Variants in MAB21L4 observed in about 807,000 individuals in gnomAD.
MAB21L4 encodes the protein mab-21 like 4.
In MAB21L4, 25 loss-of-function variants were observed where a neutral mutation model predicts 32.4. The ratio of observed to expected loss-of-function variants is 0.77; its 90% confidence interval spans 0.56 to 1.08. The LOEUF (loss-of-function observed/expected upper bound fraction) is 1.08, where lower values mean the gene tolerates loss of function less well. Among genes scored for constraint, MAB21L4 ranks in the 50% least tolerant of loss-of-function variants. The pLI, the probability that MAB21L4 is intolerant of heterozygous loss-of-function variation, is 0.00. For synonymous variants in MAB21L4, 280 were observed against 276.8 expected (o/e 1.01, Z -0.11); for missense variants, 638 against 611.0 (o/e 1.04, Z -0.47).
At position 240,888,306 on chromosome 2, in the gene MAB21L4, C is replaced by T. The variant is rs368069678; in HGVS notation, c.1237G>A (p.Val413Ile). The change falls in exon 4 of 5, where the codon GTC becomes ATC. Residue 413 changes from valine (V) to isoleucine (I), a missense_variant. By Grantham distance (29) the Val-to-Ile change is conservative. Transcript: ENST00000388934. ...PTYWATAYFD[V>I]LLDKFQVFNI... ...CCAGCACCCACCTTGTCCAGCAGGA[C>T]GTCGAAGTAGGCAGTGGCCCAGTAA... The T allele has an allele frequency of 4.6e-5, 72 of 1,568,288 alleles. No individual in the cohort carries two copies. The highest frequency in any genetic ancestry group is 2.1e-4 in the East Asian group (9 of 43,402).
intron 2 of MAB21L4, among the ~76,000 whole-genome samples, chr2:240,890,770 C>G (rs1442325765): frequency 6.6e-6 from 1 of 152,222 alleles, no homozygotes; most frequent in Non-Finnish European, 1.5e-5. Context: ...TTCCCATTTA[C>G]TTGCAAAAAT....
Position 240,888,363 on chromosome 2 carries a change from C to T in MAB21L4, c.1180G>A (p.Ala394Thr), listed in dbSNP as rs1451292417. The T allele has an allele frequency of 6.4e-7, 1 of 1,574,458 alleles. No homozygotes were observed. The highest frequency in any genetic ancestry group is 8.6e-7 in the Non-Finnish European group (1 of 1,163,084). The change falls in exon 4 of 5, where the codon GCG (alanine) becomes ACG (threonine). Residue 394 changes from alanine (A) to threonine (T), a missense_variant. Coordinates refer to ENST00000388934, the MANE Select transcript of MAB21L4 (RefSeq NM_001085437.3). ...PPPRIGSGLK[A>T]LLQLPASDPT... Reference sequence around the variant, plus strand: ...TCACTGGCTGGCAGCTGCAGGAGCGCCTTGAGCCCGGAGCCGATGCGCGGC... The same window carrying T: ...TCACTGGCTGGCAGCTGCAGGAGCGTCTTGAGCCCGGAGCCGATGCGCGGC...
chr2:240,896,218 C>A (rs79672753), upstream of MAB21L4: 10,984 of 1,210,656 alleles, frequency 9.1e-3, 65 homozygotes, highest in Non-Finnish European at 0.01. Context: ...CAGTCCCCAG[C>A]AATTGGGAAT....
At chr2:240,887,257 C>CAGGGAGGGCCAGTTGT in intron 4 of MAB21L4, 95 bp from the exon 5 acceptor site, 1 of 1,033,946 alleles carries the variant, frequency 9.7e-7, no homozygotes, top group Non-Finnish European at 1.5e-6. Context: ...ACAACTGGCC[C>CAGGGAGGGCCAGTTGT]TCCCTGGGCC....
chr2:240,891,516 G>C, intron 2 of MAB21L4, 22 bp downstream of exon 2: 1 of 1,570,842 alleles, frequency 6.4e-7, no homozygotes, highest in Non-Finnish European at 8.7e-7. Flanking sequence ...CAAGAACCTT[G>C]TGACCAGGAG....
chr2:240,894,976 C>T (rs1346339761), intron 1 of MAB21L4, among the ~76,000 whole-genome samples: 1 of 152,242 alleles, frequency 6.6e-6, no homozygotes, highest in Non-Finnish European at 1.5e-5. Context: ...CACGCGCACG[C>T]AGGCAGGCAC....
In MAB21L4 at chr2:240,895,520, T is replaced by C; in HGVS notation, c.478A>G (p.Ile160Val). Residue 160 changes from isoleucine to valine, a missense_variant, in exon 1 of 5, where the codon ATC becomes GTC. By Grantham distance (29) the Ile-to-Val change is conservative (BLOSUM62 3). Transcript: ENST00000388934. ...AGACTGTGGTGCTTGCAGTGTACGA[T>C]GGCTGCTACCAGCAGGTCCTTGAGG... ...CVLKDLLVAA[I>V]VHCKHHSLIA... The C allele has an allele frequency of 6.3e-7, 1 of 1,594,898 alleles. No homozygotes were observed. Among genetic ancestry groups the C allele is most frequent in the Non-Finnish European group, 8.6e-7 (1 of 1,169,138 alleles).
Position 240,888,615 on chromosome 2 carries a change from C to A in MAB21L4, c.928G>T (p.Ala310Ser). The part of the protein sequence containing the change: ...VLLWASVLFL[A>S]PEDWAELQGA... ...TGCAGTTCTGCCCAGTCCTCGGGCG[C>A]CAGGAAGAGCACAGAGGCCCACAGC... Residue 310 changes from alanine to serine, a missense_variant, in exon 4 of 5, where the codon GCG becomes TCG. Coordinates refer to ENST00000388934, the MANE Select transcript of MAB21L4 (RefSeq NM_001085437.3). The A allele has an allele frequency of 6.3e-7, 1 of 1,598,450 alleles. No homozygotes were observed. The highest frequency in any genetic ancestry group is 2.3e-5 in the East Asian group (1 of 44,412).
intron 3 of MAB21L4, among the ~76,000 whole-genome samples, chr2:240,889,744 C>T (rs1404272526): frequency 6.6e-6 from 1 of 152,216 alleles, no homozygotes; most frequent in Admixed American, 6.5e-5. Context: ...GTCCCAGGGC[C>T]AGGAGGGCCT....
intron 2 of MAB21L4, among the ~76,000 whole-genome samples, chr2:240,890,849 C>T (rs1023404408): frequency 1.4e-4 from 21 of 152,244 alleles, no homozygotes; most frequent in African/African-American, 4.8e-4. Context: ...CAAGCTTGGA[C>T]GCCGCCCCTG....
Position 240,890,155 on chromosome 2 carries a change from G to C in MAB21L4, c.744C>G (p.Thr248=). Residue 248 remains threonine (T), a synonymous_variant, in exon 3 of 5, where the codon ACC becomes ACG. Transcript: ENST00000388934. ...LVPASAQLWR[T]STDYLLTRLL... ...GCCTCGTGAGCAGGTAGTCAGTGGAGGTCCTGGGGCCCAGACAGACGCACT... is the reference window on the plus strand; with the variant it reads ...GCCTCGTGAGCAGGTAGTCAGTGGACGTCCTGGGGCCCAGACAGACGCACT... 1 of 1,602,556 alleles carries C rather than the reference G, an allele frequency of 6.2e-7. No homozygotes were observed.
intron 3 of MAB21L4, 127 bp downstream of exon 3, chr2:240,889,878 C>A: frequency 4.4e-6 from 5 of 1,135,884 alleles, no homozygotes; most frequent in Admixed American, 5.5e-5. Flanking sequence ...CCCTCAGAAT[C>A]CCCCCAACTC....
intron 3 of MAB21L4, 76 bp downstream of exon 3, chr2:240,889,929 G>A: frequency 1.3e-6 from 2 of 1,493,886 alleles, no homozygotes; most frequent in Non-Finnish European, 1.8e-6. Flanking sequence ...GTCAGGGCTG[G>A]CAGGAGGGAC....
Position 240,887,193 on chromosome 2 carries a change from A to T in MAB21L4, c.1252-31T>A, listed in dbSNP as rs752316980. ...GGCAGGGTTGCAGGGGAGAAGGGTTACAGGGACCCCTGGAGCCCATGATAA... is the reference window on the plus strand; with the variant it reads ...GGCAGGGTTGCAGGGGAGAAGGGTTTCAGGGACCCCTGGAGCCCATGATAA... On this transcript the variant is annotated intron_variant, in intron 4 of 4. Coordinates refer to ENST00000388934, the MANE Select transcript of MAB21L4 (RefSeq NM_001085437.3). 58 of 1,567,642 alleles carry T rather than the reference A, an allele frequency of 3.7e-5. 1 individual carries two copies. In the Admixed American group the frequency reaches 9.7e-4, roughly 26 times the overall value.
At position 240,889,833 on chromosome 2, in the gene MAB21L4, G is replaced by A. The variant is rs987658382; in HGVS notation, c.894+172C>T. Among the ~76,000 whole-genome samples, 16 of 152,332 alleles carry A rather than the reference G, an allele frequency of 1.1e-4. No individual in the cohort carries two copies. The East Asian group carries it at 2.3e-3, about 22-fold the overall frequency. ...GCGGCCACATTCCCTTGACCCTCAGGAGCCACGGCCTCACCTCCTCAGAAC... is the reference window on the plus strand; with the variant it reads ...GCGGCCACATTCCCTTGACCCTCAGAAGCCACGGCCTCACCTCCTCAGAAC... On this transcript the variant is annotated intron_variant, in intron 3 of 4. Coordinates refer to ENST00000388934, the MANE Select transcript of MAB21L4 (RefSeq NM_001085437.3).
chr2:240,893,152 G>A (rs1313677069), intron 1 of MAB21L4, among the ~76,000 whole-genome samples: 1 of 152,204 alleles, frequency 6.6e-6, no homozygotes, highest in Non-Finnish European at 1.5e-5. Flanking sequence ...TTCCCCGAGG[G>A]AATCCTGGCA....
In MAB21L4 at chr2:240,886,746, C is replaced by T; in HGVS notation, c.*324G>A. 2.8e-6 allele frequency: 1 copy of T among 357,244 alleles called. No individual in the cohort carries two copies. Among genetic ancestry groups the T allele is most frequent in the South Asian group, 5.1e-5 (1 of 19,704 alleles). 22.1% of individuals were successfully genotyped at this position (357,244 alleles called of 1,614,324 possible). On this transcript the variant is annotated 3_prime_UTR_variant, in exon 5 of 5. Coordinates refer to ENST00000388934, the MANE Select transcript of MAB21L4 (RefSeq NM_001085437.3). The stretch of plus-strand genomic sequence containing the variant: ...CGTCACCAAGGAATGGCATACAGTG[C>T]AGGCAGGGCCAAGTCCTCAGCTCCA...
intron 1 of MAB21L4, 130 bp from the exon 2 acceptor site, chr2:240,891,893 C>T: frequency 6.3e-7 from 1 of 1,576,348 alleles, no homozygotes; most frequent in Admixed American, 1.8e-5. Flanking sequence ...CTCTGCTGGC[C>T]CCCACCTGCA....
rs2059100889 is a variant in MAB21L4 at position 240,887,009 on chromosome 2, T to C, written c.*61A>G. 2.4e-6 allele frequency: 3 copies of C among 1,263,442 alleles called. No individual in the cohort carries two copies. The highest frequency in any genetic ancestry group is 1.2e-5 in the South Asian group (1 of 82,506). 78.3% of individuals were successfully genotyped at this position (1,263,442 alleles called of 1,614,324 possible). ...TTCCAAACATCCCAGGAGCCTCCCA[T>C]GGTGCAGTGCAGAGTCTGTTGGGGA... is the stretch of plus-strand genomic sequence containing the variant. On this transcript the variant is annotated 3_prime_UTR_variant, in exon 5 of 5. Transcript: ENST00000388934.
Sources: allele counts gnomAD v4.1 joint callset (sites outside exome capture counted in the v4.1 genomes callset), GRCh38; gene constraint gnomAD v4.1.1; transcripts MANE v1.5; gene names NCBI Gene and HGNC (gene_info 2026-07-23, HGNC 2026-07-21).